The following ETV6 variants were observed in gnomAD, a reference collection of about 807,000 sequenced individuals.
ETV6 encodes the protein transcription factor ETV6.
ETV6 carries 16 observed loss-of-function variants against 51.1 expected under a neutral mutation model. The ratio of observed to expected loss-of-function variants is 0.31; its 90% CI spans 0.21 to 0.48. ETV6 has a LOEUF of 0.48. ETV6 is among the 20% of genes least tolerant of loss of function. The probability of loss-of-function intolerance (pLI) is 0.99; values close to 1 mark genes in which losing one functional copy is unlikely to be tolerated. For synonymous variants in ETV6, 240 were observed against 224.1 expected (o/e 1.07, Z -0.64); for missense variants, 458 against 594.8 (o/e 0.77, Z 2.39).
At chr12:11,720,134 G>A (rs140056495) in intron 1 of ETV6, among the ~76,000 whole-genome samples, 6 of 152,342 alleles carry the variant, frequency 3.9e-5, no homozygotes, top group Non-Finnish European at 8.8e-5. Context: ...AGGGGAAAGA[G>A]TTGATATCTG....
intron 2 of ETV6, among the ~76,000 whole-genome samples, chr12:11,786,335 TG>T (rs1591672079): frequency 4.7e-5 from 3 of 63,850 alleles, no homozygotes; most frequent in Admixed American, 2.2e-4. Context: ...CAACTTAATT[TG>T]TTTTTTTTTT....
At chr12:11,742,731 A>G (rs1241601731) in intron 1 of ETV6, among the ~76,000 whole-genome samples, 1 of 151,834 alleles carries the variant, frequency 6.6e-6, no homozygotes, top group Non-Finnish European at 1.5e-5. Flanking sequence ...AACACCTTGC[A>G]TTAGTAGAGA....
intron 2 of ETV6, among the ~76,000 whole-genome samples, chr12:11,785,656 G>C (rs1179575237): frequency 6.6e-6 from 1 of 152,172 alleles, no homozygotes; most frequent in Non-Finnish European, 1.5e-5. Context: ...CAGTGCTAAT[G>C]TTATTTTTTC....
intron 1 of ETV6, among the ~76,000 whole-genome samples, chr12:11,688,529 C>A (rs1167200315): frequency 1.3e-5 from 2 of 152,198 alleles, no homozygotes; most frequent in East Asian, 3.8e-4. Context: ...CTCACTGTCC[C>A]ACTGGTGATA....
chr12:11,691,352 C>T (rs979822300), intron 1 of ETV6, among the ~76,000 whole-genome samples: 1 of 152,162 alleles, frequency 6.6e-6, no homozygotes, highest in African/African-American at 2.4e-5. Context: ...GCATAACCTG[C>T]GTCTGAGCAG....
Position 11,853,480 on chromosome 12 carries a change from A to G in ETV6, c.382A>G (p.Ile128Val). ...QHILKQRKPR[I>V]LFSPFFHPGN... is the part of the protein sequence containing the mutation. ...TATTCTGAAGCAGAGGAAACCTCGG[A>G]TTCTTTTTTCACCATTCTTCCACCC... is the stretch of plus-strand genomic sequence containing the variant. Residue 128 changes from isoleucine to valine, a missense_variant, in exon 4 of 8, where the codon ATT (isoleucine) becomes GTT (valine). Transcript: ENST00000396373. The G allele has an allele frequency of 5.0e-6, 8 of 1,614,164 alleles. No individual in the cohort carries two copies. Among genetic ancestry groups the G allele is most frequent in the Non-Finnish European group, 6.8e-6 (8 of 1,180,028 alleles).
At chr12:11,708,429 G>C (rs1034654941) in intron 1 of ETV6, among the ~76,000 whole-genome samples, 4 of 152,210 alleles carry the variant, frequency 2.6e-5, no homozygotes, top group Non-Finnish European at 5.9e-5. Flanking sequence ...GTATAATGGT[G>C]CTGTAACTGC....
At position 11,725,964 on chromosome 12, in the gene ETV6, T is replaced by C. The variant is rs117683743; in HGVS notation, c.34-26486T>C. Among the ~76,000 whole-genome samples the C allele has an allele frequency of 9.5e-3, 1,442 of 152,280 alleles. 18 individuals are homozygous for C. Among genetic ancestry groups the C allele is most frequent in the Middle Eastern group, 0.027 (8 of 294 alleles). ...TCTTTTCTTTATGAATTCCCCAGCC[T>C]CAGATATTCCTTCCTAGCAGTACAA... is the stretch of plus-strand genomic sequence containing the variant. On this transcript the variant is annotated intron_variant, in intron 1 of 7. Transcript: ENST00000396373.
chr12:11,869,901 A>G lies in ETV6; in HGVS notation c.941A>G (p.Tyr314Cys), dbSNP rs573827465. The G allele has an allele frequency of 1.2e-6, 2 of 1,612,440 alleles. No homozygotes were observed. Among genetic ancestry groups the G allele is most frequent in the South Asian group, 1.1e-5 (1 of 91,088 alleles). ...CTCTCTCATCGGGAAGACCTGGCTT[A>G]CATGAACCACATCATGGTCTCTGTC... ...INLSHREDLA[Y>C]MNHIMVSVSP... Residue 314 changes from tyrosine to cysteine, a missense_variant, in exon 5 of 8, where the codon TAC (tyrosine) becomes TGC (cysteine). By Grantham distance (194) the Tyr-to-Cys change is radical. Around this residue, in one of 4 missense-constraint regions of ETV6, gnomAD observed 293 missense variants for 315.7 expected, o/e 0.93. Transcript: ENST00000396373. This position sits in a 1 kb window ranked among gnomAD's most constrained non-coding sequence, Gnocchi z 5.0.
intron 2 of ETV6, among the ~76,000 whole-genome samples, chr12:11,804,626 C>T (rs1004025946): frequency 2.0e-5 from 3 of 152,226 alleles, no homozygotes; most frequent in Non-Finnish European, 4.4e-5. Context: ...CTTAGAGAAG[C>T]TTCCCCAACA....
At chr12:11,887,806 T>A (rs1947221429) in intron 7 of ETV6, among the ~76,000 whole-genome samples, 1 of 151,624 alleles carries the variant, frequency 6.6e-6, no homozygotes, top group Non-Finnish European at 1.5e-5. Flanking sequence ...TCTTTACTCA[T>A]CAGGGGCATC....
chr12:11,795,961 T>A (rs1001328218), intron 2 of ETV6, among the ~76,000 whole-genome samples: 1 of 152,210 alleles, frequency 6.6e-6, no homozygotes, highest in African/African-American at 2.4e-5. Flanking sequence ...GCTGCCACCC[T>A]TATCTGTTAG....
At chr12:11,862,996 T>A (rs1380481357) in intron 4 of ETV6, among the ~76,000 whole-genome samples, 1 of 152,162 alleles carries the variant, frequency 6.6e-6, no homozygotes, top group African/African-American at 2.4e-5. Context: ...GAGTGAGCAT[T>A]ACCTCCTGGG....
intron 7 of ETV6, among the ~76,000 whole-genome samples, chr12:11,890,124 AT>A (rs34570955): frequency 5.2e-3 from 677 of 131,014 alleles, no homozygotes; most frequent in South Asian, 0.012. Context: ...ATTGTAAAAG[AT>A]TTTTTTTTTT....
chr12:11,743,286 T>C (rs1219914888), intron 1 of ETV6, among the ~76,000 whole-genome samples: 1 of 152,216 alleles, frequency 6.6e-6, no homozygotes, highest in Non-Finnish European at 1.5e-5. Flanking sequence ...GAGATATAAA[T>C]CTTTTCCAGA....
chr12:11,733,992 A>G (rs894955846), intron 1 of ETV6, among the ~76,000 whole-genome samples: 2 of 152,224 alleles, frequency 1.3e-5, no homozygotes, highest in African/African-American at 4.8e-5. Flanking sequence ...AACGGAAATT[A>G]CCTTGAATTA....
At chr12:11,713,560 T>C (rs553273224) in intron 1 of ETV6, among the ~76,000 whole-genome samples, 1 of 152,346 alleles carries the variant, frequency 6.6e-6, no homozygotes, top group East Asian at 1.9e-4. Flanking sequence ...CTCAGATGAC[T>C]GCATGTCTTT....
At chr12:11,808,646 T>G (rs770797418) in intron 2 of ETV6, among the ~76,000 whole-genome samples, 12 of 152,184 alleles carry the variant, frequency 7.9e-5, no homozygotes, top group Non-Finnish European at 1.3e-4. Flanking sequence ...GATTTTGGTA[T>G]CTGGGCGGGG....
chr12:11,683,801 G>T (rs529947110), intron 1 of ETV6, among the ~76,000 whole-genome samples: 1 of 152,104 alleles, frequency 6.6e-6, no homozygotes, highest in Non-Finnish European at 1.5e-5. Context: ...TCCCTAAAGG[G>T]CTCTTTACTT....
Sources: gnomAD v4.1 joint callset for allele counts (sites outside exome capture counted in the v4.1 genomes callset) on GRCh38, gnomAD v4.1.1 for gene constraint, gnomAD v4.1.1 regional missense constraint, Gnocchi (gnomAD v3.1) non-coding constraint, MANE v1.5 for transcripts, NCBI Gene and HGNC (gene_info 2026-07-23, HGNC 2026-07-21) for gene names.